FSTL5: variants seen among roughly 807,000 people sequenced by gnomAD.
The protein encoded by FSTL5 is follistatin-related protein 5.
Under a neutral mutation model 89.1 loss-of-function variants are expected in FSTL5, and 62 were observed. The ratio of observed to expected loss-of-function variants is 0.70; its 90% CI spans 0.57 to 0.86. The LOEUF is 0.86. FSTL5 is among the 40% of genes least tolerant of loss of function. The probability of loss-of-function intolerance (pLI) is 0.00; values close to 1 mark genes in which losing one functional copy is unlikely to be tolerated. For missense variants in FSTL5, 1,057 were observed against 1,001.6 expected, an observed-to-expected ratio of 1.06 and a Z score of -0.75; for synonymous variants, 383 against 346.2, an observed-to-expected ratio of 1.11 and a Z score of -1.18.
chr4:161,738,520 A>C (rs1739897015), intron 6 of FSTL5, among the ~76,000 whole-genome samples: 1 of 152,120 alleles, frequency 6.6e-6, no homozygotes, highest in Non-Finnish European at 1.5e-5. Flanking sequence ...TATAAATAAG[A>C]GTCAGATAAA....
chr4:161,932,838 T>G (rs1734328241), intron 3 of FSTL5, among the ~76,000 whole-genome samples: 1 of 152,112 alleles, frequency 6.6e-6, no homozygotes, highest in African/African-American at 2.4e-5. Context: ...TTTTAAATAT[T>G]ATTTTATTAA....
chr4:161,425,505 T>C (rs1732138789), intron 15 of FSTL5, among the ~76,000 whole-genome samples: 2 of 152,204 alleles, frequency 1.3e-5, no homozygotes, highest in Non-Finnish European at 2.9e-5. Context: ...CAGTAGGTTT[T>C]TGAATGATTC....
At chr4:162,086,220 T>C (rs1450382887) in intron 2 of FSTL5, among the ~76,000 whole-genome samples, 2 of 151,990 alleles carry the variant, frequency 1.3e-5, no homozygotes, top group African/African-American at 4.8e-5. Flanking sequence ...TTAGAAAAAA[T>C]ACACTCTCTG....
At chr4:161,537,242 T>C (rs1731651703) in intron 10 of FSTL5, among the ~76,000 whole-genome samples, 1 of 152,058 alleles carries the variant, frequency 6.6e-6, no homozygotes, top group South Asian at 2.1e-4. Context: ...TTCAGAAAAA[T>C]GGGCCTGTCA....
At chr4:161,459,666 C>A (rs553722392) in intron 13 of FSTL5, among the ~76,000 whole-genome samples, 30 of 152,024 alleles carry the variant, frequency 2.0e-4, no homozygotes, top group African/African-American at 7.0e-4. Flanking sequence ...TATTTAGAAA[C>A]TCAAGATATA....
intron 4 of FSTL5, among the ~76,000 whole-genome samples, chr4:161,860,285 C>CACAA (rs1416322916): frequency 2.4e-4 from 23 of 94,782 alleles, no homozygotes; most frequent in African/African-American, 3.8e-4. Flanking sequence ...GAGACTCCGT[C>CACAA]TCAAACAAAC....
chr4:161,830,754 CAT>C (rs1413745071), intron 4 of FSTL5, among the ~76,000 whole-genome samples: 1 of 151,852 alleles, frequency 6.6e-6, no homozygotes. Flanking sequence ...GAATATTAAA[CAT>C]GTCAAAGAAT....
chr4:161,565,910 G>A (rs1361798098), intron 8 of FSTL5, among the ~76,000 whole-genome samples: 1 of 150,958 alleles, frequency 6.6e-6, no homozygotes, highest in East Asian at 1.9e-4. Flanking sequence ...ATGATGACCT[G>A]TTTTTCTTTG....
At chr4:162,069,005 C>A (rs148453459) in intron 2 of FSTL5, among the ~76,000 whole-genome samples, 2 of 151,956 alleles carry the variant, frequency 1.3e-5, no homozygotes, top group Non-Finnish European at 2.9e-5. Flanking sequence ...TATCATCTCA[C>A]ACCACTCAGA....
intron 15 of FSTL5, among the ~76,000 whole-genome samples, chr4:161,409,477 G>T (rs1209872262): frequency 6.6e-6 from 1 of 151,948 alleles, no homozygotes; most frequent in African/African-American, 2.4e-5. Flanking sequence ...TGCCTCCCAG[G>T]TTCAAGCTAT....
chr4:161,582,195 G>A (rs1411718263), intron 8 of FSTL5, among the ~76,000 whole-genome samples: 2 of 152,112 alleles, frequency 1.3e-5, no homozygotes, highest in East Asian at 1.9e-4. Flanking sequence ...TATTTTCCGG[G>A]CTTGTTATGG....
chr4:161,868,417 A>G (rs1732158394), intron 4 of FSTL5, among the ~76,000 whole-genome samples: 1 of 152,090 alleles, frequency 6.6e-6, no homozygotes, highest in Non-Finnish European at 1.5e-5. Context: ...TACTCTCTGG[A>G]ACTAAGACAA....
chr4:162,066,945 C>T (rs1199066952), intron 2 of FSTL5, among the ~76,000 whole-genome samples: 1 of 152,046 alleles, frequency 6.6e-6, no homozygotes, highest in Non-Finnish European at 1.5e-5. Context: ...TGGTTATATA[C>T]CCAGTAATGG....
intron 3 of FSTL5, among the ~76,000 whole-genome samples, chr4:162,031,092 T>C (rs1404893882): frequency 1.3e-5 from 2 of 152,202 alleles, no homozygotes; most frequent in East Asian, 3.9e-4. Flanking sequence ...TGTAGGACTA[T>C]CTCATTTTTC....
At chr4:161,889,065 C>T (rs116019479) in intron 4 of FSTL5, among the ~76,000 whole-genome samples, 2 of 152,070 alleles carry the variant, frequency 1.3e-5, no homozygotes, top group Admixed American at 6.5e-5. Context: ...AGTTACTTTG[C>T]GTGTATAACT....
At chr4:161,992,280 T>C (rs769897414) in intron 3 of FSTL5, among the ~76,000 whole-genome samples, 1 of 152,058 alleles carries the variant, frequency 6.6e-6, no homozygotes, top group Non-Finnish European at 1.5e-5. Context: ...AAAAGGAAAC[T>C]ACATGGGATA....
Position 161,572,579 on chromosome 4 carries a change from A to G in FSTL5, c.1015+14876T>C, listed in dbSNP as rs146103505. Among the ~76,000 whole-genome samples, 103 of 152,278 alleles carry G rather than the reference A, an allele frequency of 6.8e-4. 1 individual carries two copies. The East Asian group carries it at 0.015, about 23-fold the overall frequency. On this transcript the variant is annotated intron_variant, in intron 8 of 15. Coordinates refer to ENST00000306100, the MANE Select transcript of FSTL5 (RefSeq NM_020116.5). ...GAATCTTTTTCCCTCTAATTTTTAT[A>G]GTTACCAGAAAATAAGATTACTTAC...
At chr4:161,769,719 A>AAAACTG (rs1254162842) in intron 5 of FSTL5, among the ~76,000 whole-genome samples, 8 of 152,036 alleles carry the variant, frequency 5.3e-5, no homozygotes, top group Non-Finnish European at 1.2e-4. Flanking sequence ...TAAATGCAGA[A>AAAACTG]AAACTGAAAG....
rs201292482 is a variant in FSTL5 at position 161,694,983 on chromosome 4, G to GA, written c.728-38490dup. Among the ~76,000 whole-genome samples the GA allele has an allele frequency of 4.7e-3, 714 of 150,400 alleles. 3 individuals carry two copies. Among genetic ancestry groups the GA allele is most frequent in the African/African-American group, 0.017 (681 of 41,038 alleles). ...AATGCATGGCTCCTATTAAAAAATA[G>GA]AAAAAAAATGTGTTTTCTCCCTTTA... On this transcript the variant is annotated intron_variant, in intron 6 of 15. Transcript: ENST00000306100.
Sources: allele counts gnomAD v4.1 joint callset (sites outside exome capture counted in the v4.1 genomes callset), GRCh38; gene constraint gnomAD v4.1.1; transcripts MANE v1.5; gene names NCBI Gene and HGNC (gene_info 2026-07-23, HGNC 2026-07-21).